The following NICOL1 variants were observed in gnomAD, a reference collection of about 807,000 sequenced individuals.
The protein encoded by NICOL1 is NELL2-interacting cell ontogeny regulator 1.
chr4:2,042,881 G>T, the NICOL1 span: 2 of 1,242,190 alleles, frequency 1.6e-6, no homozygotes, highest in South Asian at 1.5e-5. Flanking sequence ...GGGAGGGCAG[G>T]GAGGATGAGG....
chr4:2,041,888 G>A, the NICOL1 span: 12 of 1,232,458 alleles, frequency 9.7e-6, no homozygotes, highest in African/African-American at 3.2e-5. Context: ...AGGCACACCC[G>A]ATTCCTGGAG....
the NICOL1 span, chr4:2,042,200 G>T: frequency 2.1e-6 from 3 of 1,425,834 alleles, no homozygotes; most frequent in Non-Finnish European, 2.7e-6. Context: ...CCCGGGCCCG[G>T]GGTGGGTGGG....
At chr4:2,042,274 T>G in the NICOL1 span, 1 of 741,818 alleles carries the variant, frequency 1.3e-6, no homozygotes, top group Non-Finnish European at 1.9e-6. Context: ...GGACGGGGGC[T>G]CACCGGCCCG....
At chr4:2,040,362 C>A in the NICOL1 span, among the ~76,000 whole-genome samples, 1 of 152,252 alleles carries the variant, frequency 6.6e-6, no homozygotes, top group Non-Finnish European at 1.5e-5. Flanking sequence ...CGGCCTTGGC[C>A]TCCCAAAGTG....
At chr4:2,042,373 C>T in the NICOL1 span, 2 of 515,046 alleles carry the variant, frequency 3.9e-6, no homozygotes, top group Non-Finnish European at 6.7e-6. Context: ...GCCCGCGTGC[C>T]GGTCCCCGAT....
the NICOL1 span, chr4:2,041,683 G>C: frequency 3.1e-6 from 1 of 324,102 alleles, no homozygotes; most frequent in African/African-American, 2.1e-5. Context: ...CGCCTCGCGA[G>C]CATCGAGCAG....
the NICOL1 span, among the ~76,000 whole-genome samples, chr4:2,043,416 C>T: frequency 1.3e-5 from 2 of 152,280 alleles, no homozygotes; most frequent in South Asian, 4.1e-4. Flanking sequence ...GCAGGGAAGA[C>T]CCTGCCTGGT....
chr4:2,039,129 T>C, the NICOL1 span, among the ~76,000 whole-genome samples: 1 of 152,132 alleles, frequency 6.6e-6, no homozygotes, highest in Non-Finnish European at 1.5e-5. Flanking sequence ...AAGAATACAT[T>C]ATGGCTGAAC....
the NICOL1 span, chr4:2,042,875 G>A: frequency 7.7e-7 from 1 of 1,302,314 alleles, no homozygotes; most frequent in South Asian, 1.5e-5. Flanking sequence ...GGGGTGGGGA[G>A]GGCAGGGAGG....
At chr4:2,042,563 G>C in the NICOL1 span, 1 of 479,678 alleles carries the variant, frequency 2.1e-6, no homozygotes, top group South Asian at 3.1e-5. Flanking sequence ...TCTGCGGGGA[G>C]GACCGCGCCT....
chr4:2,042,863 A>G, the NICOL1 span: 3 of 1,392,626 alleles, frequency 2.2e-6, no homozygotes, highest in Admixed American at 2.4e-5. Context: ...CGGGCTTCCC[A>G]GGGGGTGGGG....
chr4:2,040,567 C>T, the NICOL1 span, among the ~76,000 whole-genome samples: 1 of 152,184 alleles, frequency 6.6e-6, no homozygotes, highest in Non-Finnish European at 1.5e-5. Context: ...CTACGGCTCC[C>T]GCCCCACTGG....
chr4:2,039,430 CA>C, the NICOL1 span, among the ~76,000 whole-genome samples: 31 of 150,742 alleles, frequency 2.1e-4, no homozygotes, highest in African/African-American at 7.1e-4. Flanking sequence ...AAACAAAAAA[CA>C]AAAAAAAATT....
the NICOL1 span, chr4:2,042,255 C>A: frequency 1.4e-6 from 1 of 732,606 alleles, no homozygotes; most frequent in Non-Finnish European, 1.8e-6. Flanking sequence ...TCGTGGGGCC[C>A]GCGGGAGGGG....
the NICOL1 span, chr4:2,042,412 C>T: frequency 2.0e-6 from 1 of 500,050 alleles, no homozygotes; most frequent in Non-Finnish European, 3.5e-6. Context: ...GCTGCTGCTG[C>T]TGCTGCTGAG....
chr4:2,040,338 C>T, the NICOL1 span, among the ~76,000 whole-genome samples: 1 of 152,232 alleles, frequency 6.6e-6, no homozygotes, highest in East Asian at 1.9e-4. Flanking sequence ...AACTCCTGAC[C>T]CCAGGTGATC....
the NICOL1 span, among the ~76,000 whole-genome samples, chr4:2,041,188 G>C: frequency 6.6e-6 from 1 of 151,198 alleles, no homozygotes; most frequent in Non-Finnish European, 1.5e-5. Flanking sequence ...ACGTGCGCCT[G>C]GGGCGCCTTC....
chr4:2,042,246 C>A, the NICOL1 span: 2 of 550,360 alleles, frequency 3.6e-6, no homozygotes, highest in South Asian at 8.0e-5. Context: ...GGACAAGGGT[C>A]GTGGGGCCCG....
chr4:2,041,505 C>T, the NICOL1 span, among the ~76,000 whole-genome samples: 1 of 152,084 alleles, frequency 6.6e-6, no homozygotes, highest in Non-Finnish European at 1.5e-5. Flanking sequence ...AGGCTGGTGC[C>T]CACCCTGACG....
Sources: gnomAD v4.1 joint callset for allele counts (sites outside exome capture counted in the v4.1 genomes callset) on GRCh38, gnomAD v4.1.1 for gene constraint, MANE v1.5 for transcripts, NCBI Gene and HGNC (gene_info 2026-07-23, HGNC 2026-07-21) for gene names.